SLCO1A2: variants seen among roughly 807,000 people sequenced by gnomAD.
SLCO1A2 encodes the protein OATP-1.
In SLCO1A2, 67 loss-of-function variants were observed where a neutral mutation model predicts 69.0. That is an observed-to-expected ratio of 0.97 (90% confidence interval 0.80 to 1.19). SLCO1A2 has a LOEUF of 1.19. Ranked by LOEUF, SLCO1A2 falls within the 50% of genes most tolerant of loss-of-function variation. SLCO1A2 has a pLI of 0.00. For missense variants in SLCO1A2, 787 were observed against 793.7 expected (o/e 0.99, Z 0.10); for synonymous variants, 260 against 265.9 (o/e 0.98, Z 0.22).
At chr12:21,315,907 G>A (rs1024878898) in intron 3 of SLCO1A2, among the ~76,000 whole-genome samples, 37 of 152,310 alleles carry the variant, frequency 2.4e-4, no homozygotes, top group African/African-American at 7.9e-4. Context: ...ATTGCAATGA[G>A]AAAGCATGGG....
At chr12:21,297,383 G>A (rs570149096) in intron 9 of SLCO1A2, 21 bp downstream of exon 9, 27 of 1,597,354 alleles carry the variant, frequency 1.7e-5, no homozygotes, top group East Asian at 1.1e-4. Context: ...GTGCTAGTAA[G>A]GCAGAGAAAA....
intron 2 of SLCO1A2, among the ~76,000 whole-genome samples, chr12:21,344,840 A>G (rs769534627): frequency 3.3e-5 from 5 of 152,058 alleles, no homozygotes; most frequent in Non-Finnish European, 7.4e-5. Context: ...TTTTTTCTTT[A>G]CATTGAACTC....
At chr12:21,369,857 T>C (rs903106230) in intron 2 of SLCO1A2, among the ~76,000 whole-genome samples, 7 of 152,188 alleles carry the variant, frequency 4.6e-5, no homozygotes, top group African/African-American at 1.4e-4. Flanking sequence ...ATTATGCCCT[T>C]GTAAAGATAA....
At chr12:21,355,623 T>C (rs12820524) in intron 2 of SLCO1A2, among the ~76,000 whole-genome samples, 1,974 of 152,294 alleles carry the variant, frequency 0.013, 17 homozygotes, top group Non-Finnish European at 0.021. Flanking sequence ...GAATTCTGTA[T>C]AGTGGCAATG....
At chr12:21,417,365 G>T (rs1942004658) in intron 1 of SLCO1A2, among the ~76,000 whole-genome samples, 1 of 150,358 alleles carries the variant, frequency 6.7e-6, no homozygotes, top group Non-Finnish European at 1.5e-5. Flanking sequence ...GAATAGATGG[G>T]GAAGTATGTT....
intron 1 of SLCO1A2, among the ~76,000 whole-genome samples, chr12:21,407,826 A>T (rs115385949): frequency 0.42 from 63,529 of 151,192 alleles, 13,581 homozygotes; most frequent in Middle Eastern, 0.51. Context: ...TAAATGAAAA[A>T]AAAAAAAAAA....
intron 7 of SLCO1A2, among the ~76,000 whole-genome samples, 164 bp downstream of exon 7, chr12:21,301,007 A>C (rs1948645308): frequency 6.6e-6 from 1 of 152,178 alleles, no homozygotes; most frequent in South Asian, 2.1e-4. Context: ...TCTGGTTTGG[A>C]ATATTTTAAA....
rs969503979 is a variant in SLCO1A2, at chr12:21,282,927, G to T, written c.1611-7503C>A. Among the ~76,000 whole-genome samples, 122 of 151,940 alleles carry T rather than the reference G, an allele frequency of 8.0e-4. 1 individual carries two copies. Among genetic ancestry groups the T allele is most frequent in the African/African-American group, 2.9e-3 (119 of 41,460 alleles). On this transcript the variant is annotated intron_variant, in intron 12 of 14. Transcript: ENST00000683939. ...AACATTGGTGCAAGAAATTGAAGAG[G>T]ATACAAATAAATGAAAATATATTAT...
intron 2 of SLCO1A2, among the ~76,000 whole-genome samples, chr12:21,319,827 C>G (rs898915809): frequency 1.3e-5 from 2 of 152,086 alleles, no homozygotes; most frequent in Non-Finnish European, 2.9e-5. Context: ...GATAGAACCA[C>G]TGTGATCACC....
intron 2 of SLCO1A2, among the ~76,000 whole-genome samples, chr12:21,344,512 A>G (rs1565509266): frequency 6.6e-6 from 1 of 152,036 alleles, no homozygotes; most frequent in Non-Finnish European, 1.5e-5. Context: ...ATATATTTTA[A>G]TAGGGGCCTT....
At chr12:21,413,098 A>T (rs938039601) in intron 1 of SLCO1A2, among the ~76,000 whole-genome samples, 22 of 148,444 alleles carry the variant, frequency 1.5e-4, no homozygotes, top group African/African-American at 5.5e-4. Context: ...TTTTTGTATT[A>T]TTTTTTTTGA....
intron 2 of SLCO1A2, among the ~76,000 whole-genome samples, chr12:21,360,015 TA>T (rs903881647): frequency 3.0e-4 from 43 of 143,596 alleles, no homozygotes; most frequent in Admixed American, 2.8e-4. Flanking sequence ...TTATGCTATG[TA>T]AAAAAAAAAA....
rs574398654 is a variant in SLCO1A2, at chr12:21,348,052, T to C, written c.-62-13343A>G. 1.4e-3 allele frequency among the ~76,000 whole-genome samples: 213 copies of C among 152,316 alleles called. 1 individual carries two copies. Among genetic ancestry groups the C allele is most frequent in the Non-Finnish European group, 2.3e-3 (158 of 68,020 alleles). On this transcript the variant is annotated intron_variant, in intron 2 of 15. Coordinates refer to the SLCO1A2 transcript ENST00000307378. Reference sequence around the variant, plus strand: ...TAAATTCAACATCCACCTTTTAGTCTTTCTCTTTTTCCATATTTTAGCAAT... The same window carrying C: ...TAAATTCAACATCCACCTTTTAGTCCTTCTCTTTTTCCATATTTTAGCAAT...
chr12:21,312,215 C>T (rs972872788), intron 4 of SLCO1A2, among the ~76,000 whole-genome samples: 3 of 152,212 alleles, frequency 2.0e-5, no homozygotes, highest in African/African-American at 7.2e-5. Context: ...TCAGCACTTG[C>T]TGCTTCACCT....
At chr12:21,398,167 T>C (rs377242872), upstream of SLCO1A2, among the ~76,000 whole-genome samples, 4 of 148,110 alleles carry the variant, frequency 2.7e-5, no homozygotes, top group Non-Finnish European at 3.0e-5. Context: ...ATCAAATAGA[T>C]GCAATAAAAA....
At chr12:21,375,451 T>C (rs1940123602) in intron 1 of SLCO1A2, among the ~76,000 whole-genome samples, 1 of 152,222 alleles carries the variant, frequency 6.6e-6, no homozygotes, top group African/African-American at 2.4e-5. Context: ...AAAACTAACA[T>C]TATTCAATGT....
intron 1 of SLCO1A2, among the ~76,000 whole-genome samples, chr12:21,401,748 A>G (rs1401188719): frequency 6.6e-6 from 1 of 151,902 alleles, no homozygotes; most frequent in East Asian, 1.9e-4. Flanking sequence ...GACATAGGAT[A>G]CTAAAGCCTT....
chr12:21,351,732 C>T (rs532543843), intron 2 of SLCO1A2, among the ~76,000 whole-genome samples: 105 of 151,070 alleles, frequency 7.0e-4, no homozygotes, highest in Non-Finnish European at 1.2e-3. Flanking sequence ...GAGCCGAGAT[C>T]ACGCCATTGC....
chr12:21,290,331 C>A (rs1269582635), intron 12 of SLCO1A2, among the ~76,000 whole-genome samples: 1 of 151,868 alleles, frequency 6.6e-6, no homozygotes, highest in African/African-American at 2.4e-5. Flanking sequence ...CCACAGACAG[C>A]AAAATAAGTT....
Sources: allele counts gnomAD v4.1 joint callset (sites outside exome capture counted in the v4.1 genomes callset), GRCh38; gene constraint gnomAD v4.1.1; transcripts MANE v1.5; gene names NCBI Gene and HGNC (gene_info 2026-07-23, HGNC 2026-07-21).